Variants in PPP2R2C observed in about 807,000 individuals in gnomAD.
The protein encoded by PPP2R2C is protein phosphatase 2, regulatory subunit B, gamma.
Under a neutral mutation model 45.3 loss-of-function variants are expected in PPP2R2C, and 10 were observed. The observed-to-expected ratio is 0.22, with a 90% CI of 0.14 to 0.37. The LOEUF (loss-of-function observed/expected upper bound fraction) is 0.37, where lower values mean the gene tolerates loss of function less well. Ranked by LOEUF, PPP2R2C falls within the 10% of genes least tolerant of loss-of-function variation. The pLI, the probability that PPP2R2C is intolerant of heterozygous loss-of-function variation, is 1.00. For missense variants in PPP2R2C, 308 were observed against 619.7 expected (o/e 0.50, Z 5.34); for synonymous variants, 257 against 245.4 (o/e 1.05, Z -0.44).
intron 1 of PPP2R2C, among the ~76,000 whole-genome samples, chr4:6,438,333 G>T (rs944034785): frequency 6.6e-6 from 1 of 152,200 alleles, no homozygotes; most frequent in Non-Finnish European, 1.5e-5. Context: ...GCAACTGAAT[G>T]CAAAATACAC....
At chr4:6,341,177 A>G (rs780006630) in intron 6 of PPP2R2C, among the ~76,000 whole-genome samples, 1 of 152,186 alleles carries the variant, frequency 6.6e-6, no homozygotes, top group Non-Finnish European at 1.5e-5. Context: ...CCTTGTCTCT[A>G]CTAAAAATAC....
At chr4:6,495,427 G>A (rs1336513211) in intron 2 of PPP2R2C, among the ~76,000 whole-genome samples, 1 of 152,248 alleles carries the variant, frequency 6.6e-6, no homozygotes, top group African/African-American at 2.4e-5. Context: ...TACCTGGCAT[G>A]CAGAGGGGCT....
At chr4:6,450,136 A>C (rs1458993639) in intron 1 of PPP2R2C, among the ~76,000 whole-genome samples, 1 of 152,206 alleles carries the variant, frequency 6.6e-6, no homozygotes, top group Non-Finnish European at 1.5e-5. Context: ...GCTGGGGCCA[A>C]ATCCCAATTC....
upstream of PPP2R2C, among the ~76,000 whole-genome samples, chr4:6,477,045 G>A (rs1008516254): frequency 6.6e-6 from 1 of 152,008 alleles, no homozygotes; most frequent in African/African-American, 2.4e-5. Flanking sequence ...CTTGAGCCCA[G>A]GAGTTCAAGA....
At chr4:6,416,598 C>T (rs995996340) in intron 1 of PPP2R2C, among the ~76,000 whole-genome samples, 5 of 152,236 alleles carry the variant, frequency 3.3e-5, no homozygotes, top group Admixed American at 2.0e-4. Flanking sequence ...ACCCAGCAGC[C>T]TGCAGGCTCC....
In PPP2R2C at chr4:6,330,682, C is replaced by T. The variant is rs1732340552; in HGVS notation, c.961-1329G>A. Among the ~76,000 whole-genome samples the T allele has an allele frequency of 6.6e-6, 1 of 152,224 alleles. No homozygotes were observed. On this transcript the variant is annotated intron_variant, in intron 7 of 8. Transcript: ENST00000382599. This position sits in a 1 kb window ranked among gnomAD's most constrained non-coding sequence, Gnocchi z 7.0. ...ATTCCTTCAAATCTCCCTTCTTTCTCAGTCTCTATCCCCATCCTGTTGGTT... is the reference window on the plus strand; with the variant it reads ...ATTCCTTCAAATCTCCCTTCTTTCTTAGTCTCTATCCCCATCCTGTTGGTT...
At chr4:6,376,044 C>T in intron 3 of PPP2R2C, 113 bp from the exon 4 acceptor site, 1 of 863,496 alleles carries the variant, frequency 1.2e-6, no homozygotes, top group Non-Finnish European at 1.8e-6. Context: ...GGAGGGGGTT[C>T]TGCCAACAGA....
chr4:6,363,160 C>A (rs1333146273), intron 5 of PPP2R2C, among the ~76,000 whole-genome samples: 1 of 152,198 alleles, frequency 6.6e-6, no homozygotes, highest in Non-Finnish European at 1.5e-5. Flanking sequence ...ATGTTGGAGG[C>A]TGACTGACCA....
rs527985445 is a variant in PPP2R2C, at chr4:6,419,192, C to T, written c.71-38098G>A. 2.0e-5 allele frequency among the ~76,000 whole-genome samples: 3 copies of T among 152,208 alleles called. No individual in the cohort carries two copies. The East Asian group carries it at 5.8e-4, about 29-fold the overall frequency. ...TAGCACTTTGGGAGGCTGAGGCAGG[C>T]GGATCACCTGAGGTAGGGAGTTCGA... On this transcript the variant is annotated intron_variant, in intron 1 of 8. Transcript: ENST00000382599.
At chr4:6,511,432 G>GTGA in intron 2 of PPP2R2C, among the ~76,000 whole-genome samples, 1 of 143,986 alleles carries the variant, frequency 6.9e-6, no homozygotes, top group Admixed American at 6.8e-5. Flanking sequence ...GGTGGTGATG[G>GTGA]TGGTGGTGAC....
intron 2 of PPP2R2C, among the ~76,000 whole-genome samples, chr4:6,519,195 G>A (rs1220647929): frequency 1.3e-5 from 2 of 152,246 alleles, no homozygotes; most frequent in East Asian, 1.9e-4. Context: ...CAGCTGTGTT[G>A]GGCCCCCAGC....
chr4:6,547,802 A>C (rs1409045082), intron 1 of PPP2R2C, among the ~76,000 whole-genome samples: 2 of 152,220 alleles, frequency 1.3e-5, no homozygotes, highest in Non-Finnish European at 2.9e-5. Flanking sequence ...CTCAGAGAAA[A>C]ATTGGTTCAA....
chr4:6,404,026 T>C (rs762575813), intron 1 of PPP2R2C, among the ~76,000 whole-genome samples: 7 of 152,124 alleles, frequency 4.6e-5, no homozygotes, highest in Non-Finnish European at 8.8e-5. Context: ...ACCTTGTCTG[T>C]GACATGACCT....
At chr4:6,540,739 T>G (rs955566848) in intron 1 of PPP2R2C, among the ~76,000 whole-genome samples, 1 of 152,256 alleles carries the variant, frequency 6.6e-6, no homozygotes, top group Non-Finnish European at 1.5e-5. Flanking sequence ...AAGATGGGTG[T>G]GCTCAGAATG....
At chr4:6,537,467 C>A (rs1473305468) in intron 1 of PPP2R2C, among the ~76,000 whole-genome samples, 1 of 151,994 alleles carries the variant, frequency 6.6e-6, no homozygotes, top group Non-Finnish European at 1.5e-5. Context: ...TACAGATTAA[C>A]CCTTTCCATA....
At chr4:6,493,255 A>T (rs1013637544) in intron 2 of PPP2R2C, among the ~76,000 whole-genome samples, 1 of 149,960 alleles carries the variant, frequency 6.7e-6, no homozygotes, top group Non-Finnish European at 1.5e-5. Flanking sequence ...ACATACACAC[A>T]CCCCTCCTGG....
At chr4:6,436,698 T>C (rs1264556780) in intron 1 of PPP2R2C, among the ~76,000 whole-genome samples, 7 of 152,198 alleles carry the variant, frequency 4.6e-5, no homozygotes, top group Non-Finnish European at 8.8e-5. Flanking sequence ...AGAGAATAAA[T>C]ACAGGGCCAC....
chr4:6,512,200 A>T (rs374943578), intron 2 of PPP2R2C, among the ~76,000 whole-genome samples: 4 of 10,460 alleles, frequency 3.8e-4, no homozygotes, highest in East Asian at 4.0e-3. Context: ...GGTGGTGGTG[A>T]TGGTGGTGGT....
intron 1 of PPP2R2C, chr4:6,413,977 T>C: frequency 6.5e-7 from 1 of 1,535,816 alleles, no homozygotes; most frequent in Non-Finnish European, 8.7e-7. Context: ...GCTCTGCAGT[T>C]GGCTACTGCC....
Sources: gnomAD v4.1 joint callset for allele counts (sites outside exome capture counted in the v4.1 genomes callset) on GRCh38, gnomAD v4.1.1 for gene constraint, Gnocchi (gnomAD v3.1) non-coding constraint, MANE v1.5 for transcripts, NCBI Gene and HGNC (gene_info 2026-07-23, HGNC 2026-07-21) for gene names.